Variants in SLC26A9 observed in about 807,000 individuals in gnomAD.
SLC26A9 encodes the protein solute carrier family 26 member 9.
In SLC26A9, 46 loss-of-function variants were observed where a neutral mutation model predicts 87.1. The ratio of observed to expected loss-of-function variants is 0.53; its 90% CI spans 0.42 to 0.67. The LOEUF is 0.67. SLC26A9 is among the 30% of genes least tolerant of loss of function. The pLI is 0.00. For missense variants in SLC26A9, 927 were observed against 1,018.3 expected (o/e 0.91, Z 1.22); for synonymous variants, 437 against 409.1 (o/e 1.07, Z -0.82).
chr1:205,916,237 CA>C (rs1310178082), intron 20 of SLC26A9, among the ~76,000 whole-genome samples: 1 of 152,200 alleles, frequency 6.6e-6, no homozygotes, highest in African/African-American at 2.4e-5. Flanking sequence ...GCTGGGACTA[CA>C]GGCATGCACC....
At chr1:205,927,699 G>C in intron 9 of SLC26A9, 94 bp from the exon 10 acceptor site, 1 of 1,402,012 alleles carries the variant, frequency 7.1e-7, no homozygotes, top group Non-Finnish European at 9.8e-7. Context: ...GTGGGCCTAA[G>C]ACCTGAGAGT....
chr1:205,932,837 C>A, intron 3 of SLC26A9, 25 bp from the exon 4 acceptor site: 1 of 1,590,354 alleles, frequency 6.3e-7, no homozygotes, highest in Non-Finnish European at 8.6e-7. Context: ...GAGACTGAAG[C>A]TCAGCAGCAT....
At chr1:205,924,794 GTGTT>G (rs146887701) in intron 12 of SLC26A9, 9,226 of 296,566 alleles carry the variant, frequency 0.031, 397 homozygotes, top group African/African-American at 0.12. Context: ...GGTTCAAAAT[GTGTT>G]TGTTTGTTTG....
intron 1 of SLC26A9, among the ~76,000 whole-genome samples, chr1:205,940,192 G>A (rs1197638954): frequency 6.6e-6 from 1 of 152,172 alleles, no homozygotes; most frequent in Non-Finnish European, 1.5e-5. Context: ...GGAGCAGAGG[G>A]GATGCAGGGG....
At chr1:205,934,030 A>C (rs1387320852) in intron 2 of SLC26A9, among the ~76,000 whole-genome samples, 1 of 152,180 alleles carries the variant, frequency 6.6e-6, no homozygotes, top group East Asian at 1.9e-4. Context: ...TTGGTGACTC[A>C]CTGGCCTGCT....
chr1:205,918,178 G>T (rs1427896519), intron 19 of SLC26A9, among the ~76,000 whole-genome samples: 1 of 152,192 alleles, frequency 6.6e-6, no homozygotes, highest in Non-Finnish European at 1.5e-5. Flanking sequence ...GTCTTGGGAG[G>T]CCAAGGGCAG....
intron 2 of SLC26A9, 92 bp from the exon 3 acceptor site, chr1:205,933,176 C>G: frequency 1.3e-6 from 2 of 1,530,756 alleles, no homozygotes; most frequent in Non-Finnish European, 1.8e-6. Flanking sequence ...TCATTTCATT[C>G]ATTGGTTCAT....
At position 205,913,851 on chromosome 1, in the gene SLC26A9, A is replaced by G. The variant is rs1658468672; in HGVS notation, c.*1506T>C. 1 of 152,384 alleles carries G rather than the reference A, an allele frequency of 6.6e-6. No individual in the cohort carries two copies. Among genetic ancestry groups the G allele is most frequent in the Admixed American group, 6.5e-5 (1 of 15,286 alleles). 9.4% of individuals were successfully genotyped at this position (152,384 alleles called of 1,614,324 possible). ...GACTTGTTAGCTGACCAGCTCACTC[A>G]ACACACAGACACACAACGCAGGTCT... On this transcript the variant is annotated 3_prime_UTR_variant, in exon 21 of 21. Transcript: ENST00000367135.
rs762272335 is a variant in SLC26A9 at position 205,927,623 on chromosome 1, G to T, written c.1102-18C>A. The T allele has an allele frequency of 6.2e-7, 1 of 1,607,926 alleles. No homozygotes were observed. The highest frequency in any genetic ancestry group is 8.5e-7 in the Non-Finnish European group (1 of 1,176,590). On this transcript the variant is annotated intron_variant, in intron 9 of 20. Coordinates refer to ENST00000367135, the MANE Select transcript of SLC26A9 (RefSeq NM_052934.4). The stretch of plus-strand genomic sequence containing the variant: ...ATCATCTCCTGCAGGGAGGGGACAG[G>T]ATTAGAAGCCAGTGTGGGGCTGGGG...
chr1:205,937,755 AG>A (rs1659575982), intron 1 of SLC26A9, among the ~76,000 whole-genome samples: 1 of 152,148 alleles, frequency 6.6e-6, no homozygotes. Flanking sequence ...CTGGCTGTCC[AG>A]GTGGTTTGCC....
At chr1:205,915,682 C>G (rs1387709236) in intron 20 of SLC26A9, among the ~76,000 whole-genome samples, 3 of 152,110 alleles carry the variant, frequency 2.0e-5, no homozygotes, top group Non-Finnish European at 2.9e-5. Flanking sequence ...GTGTCCCTCG[C>G]CCCCTAATAG....
At chr1:205,931,465 G>GTTTTTTTTTTTTTGTTT (rs1659301373) in intron 5 of SLC26A9, among the ~76,000 whole-genome samples, 1 of 96,012 alleles carries the variant, frequency 1.0e-5, no homozygotes. Context: ...CCCTAACTTG[G>GTTTTTTTTTTTTTGTTT]TTTTTTTTTT....
intron 20 of SLC26A9, among the ~76,000 whole-genome samples, chr1:205,915,860 T>C (rs1421151721): frequency 6.6e-6 from 1 of 152,176 alleles, no homozygotes; most frequent in Non-Finnish European, 1.5e-5. Flanking sequence ...CCAGCTCTAT[T>C]TTCTAATCTG....
intron 7 of SLC26A9, 129 bp from the exon 8 acceptor site, chr1:205,929,038 G>C: frequency 1.4e-6 from 2 of 1,450,478 alleles, no homozygotes; most frequent in Non-Finnish European, 9.5e-7. Flanking sequence ...GGAATTATTA[G>C]AGCAGTAGAA....
At position 205,935,949 on chromosome 1, in the gene SLC26A9, G is replaced by C. The variant is rs1659493409; in HGVS notation, c.-18-111C>G. The C allele has an allele frequency of 8.5e-6, 11 of 1,298,348 alleles. 1 individual carries two copies. In the South Asian group the frequency reaches 1.7e-4, roughly 21 times the overall value. 80.4% of individuals were successfully genotyped at this position (1,298,348 alleles called of 1,614,324 possible). Reference sequence around the variant, plus strand: ...GCAGAGTTTTATTCTGGCCTTCCCCGCCCCGATAAAGCAAGGTGCCTCCCT... The same window carrying C: ...GCAGAGTTTTATTCTGGCCTTCCCCCCCCCGATAAAGCAAGGTGCCTCCCT... On this transcript the variant is annotated intron_variant, in intron 1 of 20. Transcript: ENST00000367135.
Position 205,931,840 on chromosome 1 carries a change from G to T in SLC26A9, c.552+20C>A, listed in dbSNP as rs755022111. The T allele has an allele frequency of 3.7e-6, 6 of 1,607,964 alleles. No homozygotes were observed. In the African/African-American group the frequency reaches 5.3e-5, roughly 14 times the overall value. ...GGTGGTCTGATGCCCTTCTAGCAGGGTTGGGGGCTGCCCCCTCACCTGGAT... is the reference window on the plus strand; with the variant it reads ...GGTGGTCTGATGCCCTTCTAGCAGGTTTGGGGGCTGCCCCCTCACCTGGAT... On this transcript the variant is annotated intron_variant, in intron 5 of 20. Transcript: ENST00000367135.
rs1208369393 is a variant in SLC26A9, at chr1:205,914,673, G to T, written c.*684C>A. ...CTGTCCCCGGGGAGGTAGCTCTGGTGGTCTCGACGGTCCTGGCCACTGTCC... is the reference window on the plus strand; with the variant it reads ...CTGTCCCCGGGGAGGTAGCTCTGGTTGTCTCGACGGTCCTGGCCACTGTCC... On this transcript the variant is annotated 3_prime_UTR_variant, in exon 21 of 21. Coordinates refer to ENST00000367135, the MANE Select transcript of SLC26A9 (RefSeq NM_052934.4). 5 of 538,438 alleles carry T rather than the reference G, an allele frequency of 9.3e-6. No homozygotes were observed. Among genetic ancestry groups the T allele is most frequent in the Non-Finnish European group, 1.6e-5 (5 of 311,712 alleles). The allele number at this position is 538,438 out of a possible 1,614,324, so 33.4% of individuals were successfully genotyped here. A position where few individuals can be genotyped will look rare whatever the true frequency, so the allele number is the denominator to read the frequency against.
chr1:205,922,503 G>T (rs1013240703), intron 16 of SLC26A9, among the ~76,000 whole-genome samples: 1 of 152,180 alleles, frequency 6.6e-6, no homozygotes, highest in Admixed American at 6.5e-5. Flanking sequence ...TCCCCCTCTG[G>T]GTTGTTCAAA....
chr1:205,941,226 T>A (rs768019763), intron 1 of SLC26A9, among the ~76,000 whole-genome samples: 6 of 152,166 alleles, frequency 3.9e-5, no homozygotes, highest in Non-Finnish European at 5.9e-5. Flanking sequence ...TGGAGTGCAG[T>A]GGCACGATCT....
Sources: gnomAD v4.1 joint callset for allele counts (sites outside exome capture counted in the v4.1 genomes callset) on GRCh38, gnomAD v4.1.1 for gene constraint, MANE v1.5 for transcripts, NCBI Gene and HGNC (gene_info 2026-07-23, HGNC 2026-07-21) for gene names.